The following MYH1 variants were observed in gnomAD, a reference collection of about 807,000 sequenced individuals.
MYH1 encodes the protein myosin heavy chain 1, also known as myosin-1.
A neutral mutation model predicts 225.6 loss-of-function variants in MYH1; 214 were observed. The ratio of observed to expected loss-of-function variants is 0.95; its 90% confidence interval spans 0.85 to 1.06. MYH1 has a LOEUF of 1.06. MYH1 is among the 50% of genes least tolerant of loss of function. MYH1 has a pLI of 0.00. For missense variants in MYH1, 2,098 were observed against 2,344.2 expected (o/e 0.89, Z 2.17); for synonymous variants, 774 against 842.3 (o/e 0.92, Z 1.40).
intron 14 of MYH1, 30 bp downstream of exon 14, chr17:10,511,809 T>A (rs756940347): frequency 1.9e-6 from 3 of 1,613,828 alleles, no homozygotes; most frequent in Non-Finnish European, 1.7e-6. Flanking sequence ...TGTTGGAAAC[T>A]TTTTTGGTAC....
rs144099304 is a variant in MYH1 at position 10,511,159 on chromosome 17, T to A, written c.1416+680A>T. On this transcript the variant is annotated intron_variant, in intron 14 of 39. Transcript: ENST00000226207. ...CCGTACACAGATAAAAGTTTAGAAT[T>A]GGGACCTCTAAATGAGACACATCCG... Among the ~76,000 whole-genome samples the A allele has an allele frequency of 8.5e-4, 129 of 151,808 alleles. 1 individual carries two copies. In the East Asian group the frequency reaches 0.012, roughly 14 times the overall value.
intron 15 of MYH1, 109 bp from the exon 16 acceptor site, chr17:10,508,781 A>G: frequency 6.9e-7 from 1 of 1,441,792 alleles, no homozygotes. Flanking sequence ...TTAATTCTAC[A>G]GAGTTAACGA....
At position 10,501,103 on chromosome 17, in the gene MYH1, ATTGTACC is replaced by A. The variant is rs1210614538; in HGVS notation, c.3738_3738+6del. The A allele has an allele frequency of 1.9e-6, 3 of 1,613,176 alleles. No individual in the cohort carries two copies. In the African/African-American group the frequency reaches 4.0e-5, roughly 22 times the overall value. Reference sequence around the variant, plus strand: ...ACCAAATAATCAATGTGAAGTGTTGATTGTACCTTGGCTTTGGAGACAGTCTCCATGT... The same window carrying A: ...ACCAAATAATCAATGTGAAGTGTTGATTGGCTTTGGAGACAGTCTCCATGT... On this transcript the variant is annotated splice_donor_variant and splice_donor_5th_base_variant and coding_sequence_variant and intron_variant, in exon 27 of 40. Coordinates refer to ENST00000226207, the MANE Select transcript of MYH1 (RefSeq NM_005963.4). LOFTEE classifies it high-confidence loss of function.
intron 30 of MYH1, 58 bp from the exon 31 acceptor site, chr17:10,497,975 T>C: frequency 6.7e-7 from 1 of 1,499,674 alleles, no homozygotes; most frequent in Non-Finnish European, 9.0e-7. Context: ...TGTTTCAAAG[T>C]GGGTACAAGA....
Position 10,516,578 on chromosome 17 carries a change from C to T in MYH1, c.65G>A (p.Arg22Lys), listed in dbSNP as rs781018519. Residue 22 changes from arginine to lysine, a missense_variant, in exon 3 of 40, where the codon AGG (arginine) becomes AAG (lysine). Coordinates refer to ENST00000226207, the MANE Select transcript of MYH1 (RefSeq NM_005963.4). ...EAAPFLRKSE[R>K]ERIEAQNKPF... ...CTTGTTCTGGGCTTCAATTCGCTCC[C>T]TTTCAGACTTTCGGAGGAAAGGAGC... 8 of 1,614,184 alleles carry T rather than the reference C, an allele frequency of 5.0e-6. No individual in the cohort carries two copies. Among genetic ancestry groups the T allele is most frequent in the Non-Finnish European group, 6.8e-6 (8 of 1,180,042 alleles).
At chr17:10,510,951 A>G (rs1010675006) in intron 14 of MYH1, among the ~76,000 whole-genome samples, 1 of 144,594 alleles carries the variant, frequency 6.9e-6, no homozygotes, top group Non-Finnish European at 1.5e-5. Flanking sequence ...TGTTACTTCA[A>G]AAAAAAAAAA....
chr17:10,505,111 A>G, intron 21 of MYH1, 46 bp from the exon 22 acceptor site: 2 of 1,612,894 alleles, frequency 1.2e-6, no homozygotes, highest in South Asian at 1.1e-5. Flanking sequence ...AATAAGAAGC[A>G]GAATTAAAAC....
At position 10,516,438 on chromosome 17, in the gene MYH1, C is replaced by G; in HGVS notation, c.204+1G>C. ...AATCAGCTCCAGGTGTTTTTACTCA[C>G]AGCTCCAGCTTCGGTCTTAGCTGTC... On this transcript the variant is annotated splice_donor_variant, in intron 3 of 39. Coordinates refer to ENST00000226207, the MANE Select transcript of MYH1 (RefSeq NM_005963.4). LOFTEE classifies it high-confidence loss of function. 6.2e-7 allele frequency: 1 copy of G among 1,614,246 alleles called. No individual in the cohort carries two copies. Among genetic ancestry groups the G allele is most frequent in the East Asian group, 2.2e-5 (1 of 44,888 alleles).
At chr17:10,504,119 G>A (rs557245188) in intron 22 of MYH1, among the ~76,000 whole-genome samples, 27 of 152,308 alleles carry the variant, frequency 1.8e-4, no homozygotes, top group Middle Eastern at 6.8e-3. Context: ...TCTGCTGTTG[G>A]TTTTGGTGGC....
At position 10,502,889 on chromosome 17, in the gene MYH1, G is replaced by A. The variant is rs1184763135; in HGVS notation, c.2960C>T (p.Ala987Val). ...CTTAGCAATGGTTTCATCCAGACCCGCCATCTCTTCTGTGAGGTTTTTCAC... is the reference window on the plus strand; with the variant it reads ...CTTAGCAATGGTTTCATCCAGACCCACCATCTCTTCTGTGAGGTTTTTCAC... ...NKVKNLTEEM[A>V]GLDETIAKLT... Residue 987 changes from alanine to valine, a missense_variant, in exon 24 of 40, where the codon GCG becomes GTG. Transcript: ENST00000226207. 29 of 1,614,000 alleles carry A rather than the reference G, an allele frequency of 1.8e-5. No homozygotes were observed. Among genetic ancestry groups the A allele is most frequent in the African/African-American group, 5.3e-5 (4 of 74,978 alleles).
intron 5 of MYH1, 146 bp from the exon 6 acceptor site, chr17:10,515,041 T>C (rs570057795): frequency 1.4e-6 from 1 of 717,938 alleles, no homozygotes; most frequent in African/African-American, 1.8e-5. Context: ...TGTGTCCTGC[T>C]GGTTTAATAT....
chr17:10,499,657 T>C (rs753518783), intron 28 of MYH1, among the ~76,000 whole-genome samples: 1 of 152,234 alleles, frequency 6.6e-6, no homozygotes, highest in Non-Finnish European at 1.5e-5. Context: ...ATGTCTTCAA[T>C]TTTTTAAGCA....
intron 14 of MYH1, among the ~76,000 whole-genome samples, chr17:10,510,122 C>T (rs911841484): frequency 1.3e-5 from 2 of 151,826 alleles, no homozygotes; most frequent in Non-Finnish European, 2.9e-5. Flanking sequence ...ATGTCGCAAA[C>T]CTTCACATGG....
At position 10,508,422 on chromosome 17, in the gene MYH1, T is replaced by C; in HGVS notation, c.1838A>G (p.Gln613Arg). 6.2e-7 allele frequency: 1 copy of C among 1,614,170 alleles called. No homozygotes were observed. Among genetic ancestry groups the C allele is most frequent in the South Asian group, 1.1e-5 (1 of 91,072 alleles). Residue 613 changes from glutamine (Q) to arginine (R), a missense_variant, in exon 16 of 40, where the codon CAG (glutamine) becomes CGG (arginine). Transcript: ENST00000226207. ...AGCCAGAGTCTTCATTGCAGACTTCTGGTACAGCCCCACCACAGTCTCATT... is the reference window on the plus strand; with the variant it reads ...AGCCAGAGTCTTCATTGCAGACTTCCGGTACAGCCCCACCACAGTCTCATT... The part of the protein sequence containing the change: ...PLNETVVGLY[Q>R]KSAMKTLALL...
At chr17:10,509,692 A>G (rs1300077300) in intron 14 of MYH1, 37 bp from the exon 15 acceptor site, 2 of 1,614,216 alleles carry the variant, frequency 1.2e-6, no homozygotes, top group Non-Finnish European at 1.7e-6. Flanking sequence ...CATTCAATTT[A>G]TAATGAAATC....
In MYH1 at chr17:10,497,067, A is replaced by G. The variant is rs1225115327; in HGVS notation, c.4656+2T>C. 6.2e-7 allele frequency: 1 copy of G among 1,612,096 alleles called. No individual in the cohort carries two copies. Among genetic ancestry groups the G allele is most frequent in the East Asian group, 2.2e-5 (1 of 44,854 alleles). On this transcript the variant is annotated splice_donor_variant, in intron 33 of 39. Transcript: ENST00000226207. LOFTEE classifies it high-confidence loss of function. The stretch of plus-strand genomic sequence containing the variant: ...TTTTAGAGTATGCAATAAAATGCTT[A>G]CCTCTGCCTCCTCTAAGGCAGCCTG...
In MYH1 at chr17:10,501,847, A is replaced by C. The variant is rs1456464102; in HGVS notation, c.3176T>G (p.Leu1059Arg). 1 of 1,613,464 alleles carries C rather than the reference A, an allele frequency of 6.2e-7. No homozygotes were observed. Among genetic ancestry groups the C allele is most frequent in the South Asian group, 1.1e-5 (1 of 90,982 alleles). The change falls in exon 25 of 40, where the codon CTA (leucine) becomes CGA (arginine). Residue 1059 changes from leucine (L) to arginine (R), a missense_variant. Transcript: ENST00000226207. ...RMDLERAKRK[L>R]EGDLKLAQES... The stretch of plus-strand genomic sequence containing the variant: ...TTGAGCCAATTTTAGGTCTCCCTCT[A>C]GTTTTCTCTTTGCTCTTTCTAGATC...
intron 30 of MYH1, among the ~76,000 whole-genome samples, chr17:10,498,227 A>G (rs2073016349): frequency 6.6e-6 from 1 of 152,196 alleles, no homozygotes; most frequent in South Asian, 2.1e-4. Context: ...TCTACCTTGA[A>G]TTACTGGTTT....
chr17:10,502,052 T>C (rs2073063785), intron 24 of MYH1, 141 bp from the exon 25 acceptor site: 1 of 879,716 alleles, frequency 1.1e-6, no homozygotes, highest in Non-Finnish European at 1.7e-6. Context: ...CCATTCTCCT[T>C]GGTATTTACC....
Sources: gnomAD v4.1 joint callset for allele counts (sites outside exome capture counted in the v4.1 genomes callset) on GRCh38, gnomAD v4.1.1 for gene constraint, MANE v1.5 for transcripts, NCBI Gene and HGNC (gene_info 2026-07-23, HGNC 2026-07-21) for gene names.